The following ACAD11 variants were observed in gnomAD, a reference collection of about 807,000 sequenced individuals.
The protein encoded by ACAD11 is acyl-CoA dehydrogenase family member 11, also known as acyl-Coenzyme A dehydrogenase family, member 11.
Under a neutral mutation model 102.2 loss-of-function variants are expected in ACAD11, and 83 were observed. The observed-to-expected ratio is 0.81, with a 90% CI of 0.68 to 0.97. The LOEUF is 0.97. ACAD11 is among the 50% of genes least tolerant of loss of function. The pLI is 0.00. For missense variants in ACAD11, 901 were observed against 951.7 expected (o/e 0.95, Z 0.70); for synonymous variants, 324 against 319.8 (o/e 1.01, Z -0.14).
Position 132,626,578 on chromosome 3 carries a change from A to G in ACAD11, c.1197+113T>C. 5.0e-6 allele frequency: 6 copies of G among 1,202,312 alleles called. No individual in the cohort carries two copies. In the South Asian group the frequency reaches 8.6e-5, roughly 17 times the overall value. The allele number at this position is 1,202,312 out of a possible 1,614,324, so 74.5% of individuals were successfully genotyped here. On this transcript the variant is annotated intron_variant, in intron 9 of 19. Transcript: ENST00000264990. ...AGTTCTAAGGTGAGAAGAAGAATCT[A>G]GGTAAGGATTGACTAAAGAAAATGA...
intron 1 of ACAD11, among the ~76,000 whole-genome samples, chr3:132,649,313 G>A (rs143473966): frequency 0.013 from 2,031 of 152,342 alleles, 35 homozygotes; most frequent in African/African-American, 0.046. Flanking sequence ...GGAACTGAAT[G>A]TCTCGGTATA....
chr3:132,577,489 G>A (rs1013749413), intron 15 of ACAD11, among the ~76,000 whole-genome samples: 59 of 152,282 alleles, frequency 3.9e-4, no homozygotes, highest in Non-Finnish European at 6.5e-4. Context: ...TGCTTGAGGG[G>A]AAAGAGCAGG....
chr3:132,620,829 C>T (rs543700614), intron 9 of ACAD11, among the ~76,000 whole-genome samples: 1 of 152,276 alleles, frequency 6.6e-6, no homozygotes, highest in South Asian at 2.1e-4. Flanking sequence ...TAAGCTTTGT[C>T]CTACTTCAAT....
rs1381453469 is a variant in ACAD11, at chr3:132,653,949, G to C, written c.149+5654C>G. ...CTCTCAAATTTATATGTCTAGTCCA[G>C]ATCTCTGCCCCGACCTCAAGACATA... On this transcript the variant is annotated intron_variant, in intron 1 of 19. Transcript: ENST00000264990. Among the ~76,000 whole-genome samples the C allele has an allele frequency of 2.0e-5, 3 of 152,076 alleles. No homozygotes were observed. The East Asian group carries it at 5.8e-4, about 29-fold the overall frequency.
chr3:132,570,127 G>A (rs1436932445), intron 17 of ACAD11, among the ~76,000 whole-genome samples: 1 of 152,158 alleles, frequency 6.6e-6, no homozygotes, highest in Non-Finnish European at 1.5e-5. Flanking sequence ...AGAGAAGCAG[G>A]GAGGTAAGTG....
intron 1 of ACAD11, among the ~76,000 whole-genome samples, chr3:132,652,576 T>C (rs965295833): frequency 6.6e-6 from 1 of 152,190 alleles, no homozygotes; most frequent in Non-Finnish European, 1.5e-5. Context: ...TTTTTTTGCT[T>C]ACACTGATAT....
Position 132,648,437 on chromosome 3 carries a change from C to T in ACAD11, c.150-3541G>A, listed in dbSNP as rs547599667. ...GATTTTTAACCCTTTATTTATATCACGGTTAACAAGTCTCAGACTCATGGC... is the reference window on the plus strand; with the variant it reads ...GATTTTTAACCCTTTATTTATATCATGGTTAACAAGTCTCAGACTCATGGC... On this transcript the variant is annotated intron_variant, in intron 1 of 19. Coordinates refer to ENST00000264990, the MANE Select transcript of ACAD11 (RefSeq NM_032169.5). 7.9e-5 allele frequency: 12 copies of T among 152,110 alleles called. No homozygotes were observed. The South Asian group carries it at 1.4e-3, about 18-fold the overall frequency. 9.4% of individuals were successfully genotyped at this position (152,110 alleles called of 1,614,324 possible).
At chr3:132,629,649 T>A (rs1438974781) in intron 7 of ACAD11, among the ~76,000 whole-genome samples, 2 of 152,218 alleles carry the variant, frequency 1.3e-5, no homozygotes, top group Non-Finnish European at 2.9e-5. Flanking sequence ...GTAACACAAC[T>A]ATTTCAGTTG....
chr3:132,655,871 C>A (rs1002609387), intron 1 of ACAD11, among the ~76,000 whole-genome samples: 1 of 152,112 alleles, frequency 6.6e-6, no homozygotes, highest in Non-Finnish European at 1.5e-5. Context: ...TTGATTAATT[C>A]TAAATATTTT....
intron 13 of ACAD11, among the ~76,000 whole-genome samples, chr3:132,582,016 A>G (rs971704294): frequency 6.6e-6 from 1 of 152,072 alleles, no homozygotes; most frequent in African/African-American, 2.4e-5. Context: ...ACAATAAGAA[A>G]GGGAGGGATA....
At chr3:132,564,877 T>C (rs1937165738) in intron 17 of ACAD11, among the ~76,000 whole-genome samples, 1 of 152,156 alleles carries the variant, frequency 6.6e-6, no homozygotes, top group Non-Finnish European at 1.5e-5. Context: ...TCCAAAAGAA[T>C]AACCTAGTGG....
chr3:132,622,314 C>G (rs993794396), intron 9 of ACAD11, among the ~76,000 whole-genome samples: 2 of 152,304 alleles, frequency 1.3e-5, no homozygotes, highest in Non-Finnish European at 2.9e-5. Context: ...CTTTCAAAGG[C>G]ACCAGGATGA....
chr3:132,604,085 T>G (rs1654733176), intron 12 of ACAD11, among the ~76,000 whole-genome samples: 1 of 152,214 alleles, frequency 6.6e-6, no homozygotes, highest in Non-Finnish European at 1.5e-5. Context: ...TAAATGCCTA[T>G]TACTGATTTA....
At chr3:132,646,868 T>C (rs895584081) in intron 1 of ACAD11, among the ~76,000 whole-genome samples, 6 of 152,218 alleles carry the variant, frequency 3.9e-5, no homozygotes, top group Admixed American at 3.3e-4. Context: ...TGTGATTCCA[T>C]GTCTATGAAA....
At chr3:132,658,961 G>A (rs1038633208) in intron 1 of ACAD11, among the ~76,000 whole-genome samples, 1 of 152,088 alleles carries the variant, frequency 6.6e-6, no homozygotes, top group Non-Finnish European at 1.5e-5. Context: ...CTGAATGATA[G>A]GACTCTTTCT....
intron 4 of ACAD11, among the ~76,000 whole-genome samples, chr3:132,641,686 GGAAGAGGAAGAGGAA>G (rs1406309393): frequency 1.6e-5 from 2 of 123,638 alleles, no homozygotes; most frequent in African/African-American, 6.0e-5. Context: ...AAGAGGAAGA[GGAAGAGGAAGAGGAA>G]GAAGAAGAAG....
Position 132,639,561 on chromosome 3 carries a change from A to T in ACAD11, c.633T>A (p.Asp211Glu). ...LSEWLMKNLP[D>E]NDNEENLIHG... ...GAATCAAATTCTCTTCATTGTCATTATCGGGCAAGTTCTTCATTAGCCACT... is the reference window on the plus strand; with the variant it reads ...GAATCAAATTCTCTTCATTGTCATTTTCGGGCAAGTTCTTCATTAGCCACT... Residue 211 changes from aspartate to glutamate, a missense_variant, in exon 5 of 20, where the codon GAT (aspartate) becomes GAA (glutamate). Transcript: ENST00000264990. 6.2e-7 allele frequency: 1 copy of T among 1,614,050 alleles called. No individual in the cohort carries two copies.
At chr3:132,603,181 G>A in intron 13 of ACAD11, 48 bp downstream of exon 13, 2 of 1,391,182 alleles carry the variant, frequency 1.4e-6, no homozygotes, top group Non-Finnish European at 2.0e-6. Flanking sequence ...ATAGCATCTG[G>A]AACAAAGGAT....
intron 11 of ACAD11, among the ~76,000 whole-genome samples, chr3:132,610,535 G>A (rs1354254697): frequency 1.6e-4 from 24 of 152,216 alleles, no homozygotes; most frequent in Admixed American, 2.0e-4. Flanking sequence ...AAATGACAAA[G>A]GGGATATCAC....
Sources: allele counts gnomAD v4.1 joint callset (sites outside exome capture counted in the v4.1 genomes callset), GRCh38; gene constraint gnomAD v4.1.1; transcripts MANE v1.5; gene names NCBI Gene and HGNC (gene_info 2026-07-23, HGNC 2026-07-21).